Variants in ZP2 observed in about 807,000 individuals in gnomAD.
ZP2 encodes zona pellucida sperm-binding protein 2.
Under a neutral mutation model 84.0 loss-of-function variants are expected in ZP2, and 51 were observed. That is an observed-to-expected ratio of 0.61 (90% CI 0.49 to 0.77). ZP2 has a LOEUF of 0.77. ZP2 is among the 30% of genes least tolerant of loss of function. The pLI is 0.00. For missense variants in ZP2, 909 were observed against 911.9 expected (o/e 1.00, Z 0.04); for synonymous variants, 375 against 330.9 (o/e 1.13, Z -1.45).
In ZP2 at chr16:21,206,869, G is replaced by C. The variant is rs376224677; in HGVS notation, c.452C>G (p.Ala151Gly). The change falls in exon 5 of 19, where the codon GCA (alanine) becomes GGA (glycine). Residue 151 changes from alanine to glycine, a missense_variant. Physicochemically the swap from Ala to Gly is moderately conservative, Grantham distance 60. Transcript: ENST00000574091. ...GAAATCCTTCTGGCAGATTGTAGAT[G>C]CTGAAAGCCCCTGGGTCTCTTCTAC... is the stretch of plus-strand genomic sequence containing the variant. ...MQVEETQGLSASTICQKDFMS... is the reference protein window; with the variant it reads ...MQVEETQGLSGSTICQKDFMS... 6.2e-7 allele frequency: 1 copy of C among 1,614,042 alleles called. No homozygotes were observed. Among genetic ancestry groups the C allele is most frequent in the African/African-American group, 1.3e-5 (1 of 74,914 alleles).
At position 21,201,174 on chromosome 16, in the gene ZP2, G is replaced by C. The variant is rs2093223077; in HGVS notation, c.1694+195C>G. Among the ~76,000 whole-genome samples the C allele has an allele frequency of 2.6e-5, 4 of 151,636 alleles. No individual in the cohort carries two copies. The South Asian group carries it at 8.3e-4, about 32-fold the overall frequency. On this transcript the variant is annotated intron_variant, in intron 14 of 18. Transcript: ENST00000574091. ...AGATCATGCCGCAGCACCCCAACCT[G>C]GGTGACAGAATGAGACCCCATCTCA... is the stretch of plus-strand genomic sequence containing the variant.
intron 7 of ZP2, 131 bp downstream of exon 7, chr16:21,205,289 G>C (rs2093244279): frequency 1.9e-6 from 2 of 1,067,818 alleles, no homozygotes; most frequent in Admixed American, 2.5e-5. Context: ...ACCCAGCGAA[G>C]TGTTTGGCAC....
intron 14 of ZP2, among the ~76,000 whole-genome samples, chr16:21,200,146 C>T (rs1431012368): frequency 6.6e-6 from 1 of 152,194 alleles, no homozygotes. Context: ...TCAGAAGACA[C>T]TGGTTTCTTG....
rs1785249309 is a variant in ZP2, at chr16:21,211,320, A to G, written c.138T>C (p.Asn46=). The G allele has an allele frequency of 6.2e-7, 1 of 1,614,176 alleles. No homozygotes were observed. The highest frequency in any genetic ancestry group is 8.5e-7 in the Non-Finnish European group (1 of 1,180,020). ...CAAGAGACATACCTGGAAAGGCAGG[A>G]TTTACCAACTGAGAAACATCTATGG... ...GNSIDVSQLV[N]PAFPGTVTCD... The change falls in exon 2 of 19, where the codon AAT becomes AAC. Residue 46 remains asparagine, a synonymous_variant. Transcript: ENST00000574091.
chr16:21,205,586 T>G lies in ZP2; in HGVS notation c.529-2A>C. 1 of 1,614,056 alleles carries G rather than the reference T, an allele frequency of 6.2e-7. No individual in the cohort carries two copies. The highest frequency in any genetic ancestry group is 8.5e-7 in the Non-Finnish European group (1 of 1,179,940). ...CCATCCCATCTGAACTTTGGTCCCCTGAAGTCAAAAAGCTTTGTTTAGAGG... is the reference window on the plus strand; with the variant it reads ...CCATCCCATCTGAACTTTGGTCCCCGGAAGTCAAAAAGCTTTGTTTAGAGG... On this transcript the variant is annotated splice_acceptor_variant, in intron 6 of 18. Transcript: ENST00000574091. LOFTEE classifies it high-confidence loss of function.
intron 16 of ZP2, among the ~76,000 whole-genome samples, 195 bp downstream of exon 16, chr16:21,199,375 A>T (rs1196193930): frequency 2.0e-5 from 3 of 150,452 alleles, no homozygotes; most frequent in Non-Finnish European, 4.4e-5. Flanking sequence ...CATCGTCTAT[A>T]GAACTAGACA....
At chr16:21,211,761 T>C, upstream of ZP2, 2 of 1,462,174 alleles carry the variant, frequency 1.4e-6, no homozygotes, top group African/African-American at 2.8e-5. Flanking sequence ...GGGCCAGGCA[T>C]GAAATCAGAG....
At position 21,202,035 on chromosome 16, in the gene ZP2, G is replaced by A. The variant is rs1399918712; in HGVS notation, c.1288-12C>T. The A allele has an allele frequency of 9.3e-6, 15 of 1,613,820 alleles. No homozygotes were observed. Among genetic ancestry groups the A allele is most frequent in the Non-Finnish European group, 1.3e-5 (15 of 1,179,798 alleles). On this transcript the variant is annotated splice_polypyrimidine_tract_variant and intron_variant, in intron 11 of 18. Coordinates refer to ENST00000574091, the MANE Select transcript of ZP2 (RefSeq NM_001376232.1). ...TTATCATCTTCGAACTTAAATGTCAGAGAAAGTGGGTTAGCAGCCAGTTAT... is the reference window on the plus strand; with the variant it reads ...TTATCATCTTCGAACTTAAATGTCAAAGAAAGTGGGTTAGCAGCCAGTTAT...
intron 2 of ZP2, among the ~76,000 whole-genome samples, chr16:21,210,749 AT>A: frequency 6.6e-6 from 1 of 151,686 alleles, no homozygotes; most frequent in African/African-American, 2.4e-5. Context: ...TAGTTTTTGT[AT>A]TTTTGGTAGA....
chr16:21,205,150 GTT>G (rs2093243698), intron 7 of ZP2, among the ~76,000 whole-genome samples: 1 of 152,180 alleles, frequency 6.6e-6, no homozygotes, highest in Admixed American at 6.5e-5. Context: ...ACCCAGTTAA[GTT>G]TTTGTGTTTT....
In ZP2 at chr16:21,209,493, G is replaced by A. The variant is rs930629606; in HGVS notation, c.330+138C>T. ...CTAGACAGATTATAATAGAAAAGAAGAGCCACACACGAGACACCACCCCCT... is the reference window on the plus strand; with the variant it reads ...CTAGACAGATTATAATAGAAAAGAAAAGCCACACACGAGACACCACCCCCT... On this transcript the variant is annotated intron_variant, in intron 4 of 18. Coordinates refer to ENST00000574091, the MANE Select transcript of ZP2 (RefSeq NM_001376232.1). 7 of 670,030 alleles carry A rather than the reference G, an allele frequency of 1.0e-5. No homozygotes were observed. The Admixed American group carries it at 1.1e-4, about 10-fold the overall frequency. The allele number at this position is 670,030 out of a possible 1,614,324, so 41.5% of individuals were successfully genotyped here.
intron 4 of ZP2, among the ~76,000 whole-genome samples, chr16:21,208,207 G>A (rs1368993260): frequency 6.6e-6 from 1 of 152,186 alleles, no homozygotes; most frequent in Non-Finnish European, 1.5e-5. Flanking sequence ...TACAGAGCAA[G>A]CCTGCCTCAG....
At position 21,206,995 on chromosome 16, in the gene ZP2, G is replaced by A. The variant is rs2093253010; in HGVS notation, c.331-5C>T. On this transcript the variant is annotated splice_polypyrimidine_tract_variant and splice_region_variant and intron_variant, in intron 4 of 18. Coordinates refer to ENST00000574091, the MANE Select transcript of ZP2 (RefSeq NM_001376232.1). ...GGTCATCTGGTGTCCACCATGCTGT[G>A]TACAGATAGCACAGTGGGAACAGAG... The A allele has an allele frequency of 3.1e-6, 5 of 1,613,932 alleles. No homozygotes were observed. Among genetic ancestry groups the A allele is most frequent in the South Asian group, 1.1e-5 (1 of 91,086 alleles).
intron 9 of ZP2, 100 bp from the exon 10 acceptor site, chr16:21,203,351 C>G: frequency 6.6e-7 from 1 of 1,512,130 alleles, no homozygotes; most frequent in South Asian, 1.2e-5. Flanking sequence ...GCAGGACACA[C>G]TCCAGACTTA....
Position 21,206,871 on chromosome 16 carries a change from T to C in ZP2, c.450A>G (p.Ser150=). ...AATCCTTCTGGCAGATTGTAGATGC[T>C]GAAAGCCCCTGGGTCTCTTCTACTT... ...AMQVEETQGL[S]ASTICQKDFM... Residue 150 remains serine (S), a synonymous_variant, in exon 5 of 19, where the codon TCA becomes TCG. Transcript: ENST00000574091. 1.2e-6 allele frequency: 2 copies of C among 1,614,162 alleles called. No homozygotes were observed. The highest frequency in any genetic ancestry group is 1.7e-6 in the Non-Finnish European group (2 of 1,179,996).
intron 2 of ZP2, among the ~76,000 whole-genome samples, chr16:21,210,546 A>G (rs576696722): frequency 2.6e-5 from 4 of 152,250 alleles, no homozygotes; most frequent in East Asian, 3.9e-4. Context: ...GATGTTAAAC[A>G]AAGTCCTGGG....
chr16:21,198,154 G>A (rs186577487), intron 17 of ZP2, among the ~76,000 whole-genome samples: 193 of 149,324 alleles, frequency 1.3e-3, no homozygotes, highest in Admixed American at 3.0e-3. Context: ...CAGCACTTTG[G>A]GAGGCTGAGG....
Position 21,202,152 on chromosome 16 carries a change from C to G in ZP2, c.1239G>C (p.Gly413=). ...TCAGGGGTATGTGGAACCGTACCAG[C>G]CCCTGAGACTGAGCCTCAAAGACAG... ...CQPVFEAQSQ[G]LVRFHIPLNG... Residue 413 remains glycine, a synonymous_variant, in exon 11 of 19, where the codon GGG becomes GGC. Transcript: ENST00000574091. 2 of 1,608,568 alleles carry G rather than the reference C, an allele frequency of 1.2e-6. No homozygotes were observed. Among genetic ancestry groups the G allele is most frequent in the South Asian group, 1.1e-5 (1 of 89,714 alleles).
rs1269201402 is a variant in ZP2, at chr16:21,205,874, G to A, written c.484-99C>T. 9 of 1,166,226 alleles carry A rather than the reference G, an allele frequency of 7.7e-6. No individual in the cohort carries two copies. In the South Asian group the frequency reaches 1.0e-4, roughly 13 times the overall value. 72.2% of individuals were successfully genotyped at this position (1,166,226 alleles called of 1,614,324 possible). On this transcript the variant is annotated intron_variant, in intron 5 of 18. Coordinates refer to ENST00000574091, the MANE Select transcript of ZP2 (RefSeq NM_001376232.1). ...GTGTGGTTGTCATACCAAAAGGCCT[G>A]CTGTGGGATGCAGTGGAAGAAGCAC...
Sources: allele counts gnomAD v4.1 joint callset (sites outside exome capture counted in the v4.1 genomes callset), GRCh38; gene constraint gnomAD v4.1.1; transcripts MANE v1.5; gene names NCBI Gene and HGNC (gene_info 2026-07-23, HGNC 2026-07-21).